EEF1A2: variants seen among roughly 807,000 people sequenced by gnomAD.
The protein encoded by EEF1A2 is eukaryotic translation elongation factor 1 alpha 2.
EEF1A2 carries 5 observed loss-of-function variants against 39.3 expected under a neutral mutation model. The ratio of observed to expected loss-of-function variants is 0.13; its 90% CI spans 0.07 to 0.27. The LOEUF (loss-of-function observed/expected upper bound fraction) is 0.27, where lower values mean the gene tolerates loss of function less well. Among genes scored for constraint, EEF1A2 ranks in the 10% least tolerant of loss-of-function variants. EEF1A2 has a pLI of 1.00. For synonymous variants in EEF1A2, 287 were observed against 293.7 expected (o/e 0.98, Z 0.23); for missense variants, 218 against 681.4 (o/e 0.32, Z 7.57).
At chr20:63,490,297 C>T (rs372861286) in intron 6 of EEF1A2, 182 bp downstream of exon 6, 43 of 710,726 alleles carry the variant, frequency 6.1e-5, no homozygotes, top group African/African-American at 5.7e-4. Context: ...GATCTCTTGA[C>T]CTCGTGATCT....
At chr20:63,496,349 G>A in intron 2 of EEF1A2, 1 of 365,636 alleles carries the variant, frequency 2.7e-6, no homozygotes, top group Non-Finnish European at 5.0e-6. Context: ...ACCCCTCCCG[G>A]GCGAGGGCTC....
chr20:63,497,647 A>G lies in EEF1A2; in HGVS notation c.117T>C (p.Ile39=), dbSNP rs754859581. The change falls in exon 2 of 8, where the codon ATT becomes ATC. Residue 39 remains isoleucine, a synonymous_variant. Coordinates refer to ENST00000217182, the MANE Select transcript of EEF1A2 (RefSeq NM_001958.5). This position sits in a 1 kb window ranked among gnomAD's most constrained non-coding sequence, Gnocchi z 7.3. ...CAGCCGCCTCCTTCTCGAACTTCTCAATGGTCCTTTTGTCAATACCTCCGC... is the reference window on the plus strand; with the variant it reads ...CAGCCGCCTCCTTCTCGAACTTCTCGATGGTCCTTTTGTCAATACCTCCGC... ...YKCGGIDKRT[I]EKFEKEAAEM... is the part of the protein sequence containing the mutation. The G allele has an allele frequency of 1.9e-5, 31 of 1,612,698 alleles. No homozygotes were observed. In the Middle Eastern group the frequency reaches 9.9e-4, roughly 51 times the overall value.
chr20:63,491,702 G>A (rs890542343), intron 5 of EEF1A2, among the ~76,000 whole-genome samples: 2 of 148,202 alleles, frequency 1.3e-5, no homozygotes, highest in African/African-American at 4.9e-5. Context: ...AGATGGATGG[G>A]GAGGTGGATG....
intron 5 of EEF1A2, among the ~76,000 whole-genome samples, chr20:63,491,061 A>T (rs2082376469): frequency 6.6e-6 from 1 of 152,224 alleles, no homozygotes; most frequent in Non-Finnish European, 1.5e-5. Flanking sequence ...CTGGGGTCCC[A>T]TCCTTGCCCC....
At chr20:63,493,057 T>G in intron 5 of EEF1A2, 80 bp downstream of exon 5, 222 of 1,480,058 alleles carry the variant, frequency 1.5e-4, no homozygotes, top group Non-Finnish European at 1.8e-4. Context: ...AGCCCAGTCT[T>G]GAGATGCCTT....
intron 4 of EEF1A2, among the ~76,000 whole-genome samples, chr20:63,493,915 G>A (rs1415302196): frequency 6.6e-6 from 1 of 152,264 alleles, no homozygotes; most frequent in East Asian, 1.9e-4. Context: ...GGGAGTGCAG[G>A]GTCCCTGATG....
rs779435066 is a variant in EEF1A2 at position 63,497,623 on chromosome 20, A to G, written c.141T>C (p.Ala47=). The stretch of plus-strand genomic sequence containing the variant: ...GACCATAGCCTGGGGAGCTCACCTC[A>G]GCCGCCTCCTTCTCGAACTTCTCAA... ...RTIEKFEKEA[A]EMGKGSFKYA... is the part of the protein sequence containing the mutation. Residue 47 remains alanine (A), a synonymous_variant, in exon 2 of 8, where the codon GCT becomes GCC. Coordinates refer to ENST00000217182, the MANE Select transcript of EEF1A2 (RefSeq NM_001958.5). This position sits in a 1 kb window ranked among gnomAD's most constrained non-coding sequence, Gnocchi z 7.3. 4 of 1,612,092 alleles carry G rather than the reference A, an allele frequency of 2.5e-6. No homozygotes were observed. The highest frequency in any genetic ancestry group is 2.5e-6 in the Non-Finnish European group (3 of 1,179,276).
chr20:63,490,771 C>G, intron 5 of EEF1A2, 36 bp from the exon 6 acceptor site: 1 of 1,574,578 alleles, frequency 6.4e-7, no homozygotes, highest in Non-Finnish European at 8.6e-7. Context: ...GAAGGTGGGG[C>G]CCGAGGGGAT....
chr20:63,488,477 C>T, intron 7 of EEF1A2, 52 bp from the exon 8 acceptor site: 7 of 1,359,538 alleles, frequency 5.1e-6, no homozygotes, highest in Non-Finnish European at 6.6e-6. Flanking sequence ...TGACCCCCCC[C>T]AACCCCAGGG....
At chr20:63,496,317 G>C (rs945941182) in intron 2 of EEF1A2, 2 of 486,832 alleles carry the variant, frequency 4.1e-6, no homozygotes, top group African/African-American at 3.9e-5. Context: ...CGCTCTACGA[G>C]CGAAGCCGCC....
Position 63,497,944 on chromosome 20 carries a change from G to A in EEF1A2, c.-71-110C>T. The A allele has an allele frequency of 1.2e-6, 1 of 829,562 alleles. No individual in the cohort carries two copies. Among genetic ancestry groups the A allele is most frequent in the East Asian group, 3.0e-5 (1 of 33,846 alleles). 51.4% of individuals were successfully genotyped at this position (829,562 alleles called of 1,614,324 possible). On this transcript the variant is annotated intron_variant, in intron 1 of 7. Coordinates refer to ENST00000217182, the MANE Select transcript of EEF1A2 (RefSeq NM_001958.5). The surrounding 1 kb of genome is among the most constrained non-coding windows in gnomAD (Gnocchi z 7.3). The stretch of plus-strand genomic sequence containing the variant: ...ACAGGCATCCCTGCCCACAAACCAA[G>A]CCCCCATGTTTGGTGGGGAGGGAAG...
At chr20:63,488,463 G>A (rs951026444) in intron 7 of EEF1A2, 38 bp from the exon 8 acceptor site, 4 of 1,386,610 alleles carry the variant, frequency 2.9e-6, no homozygotes, top group African/African-American at 1.6e-5. Flanking sequence ...GGGGCCGGAG[G>A]ACTTGACCCC....
chr20:63,488,447 G>C (rs2082362880), intron 7 of EEF1A2, 22 bp from the exon 8 acceptor site: 1 of 1,420,440 alleles, frequency 7.0e-7, no homozygotes, highest in Non-Finnish European at 9.2e-7. Flanking sequence ...GGGGCGGCGT[G>C]TGGGCGGGGC....
At chr20:63,489,496 G>A (rs1162077057) in intron 6 of EEF1A2, among the ~76,000 whole-genome samples, 1 of 152,162 alleles carries the variant, frequency 6.6e-6, no homozygotes, top group Non-Finnish European at 1.5e-5. Context: ...AAAATCATAT[G>A]AAGAGGCCAG....
chr20:63,493,357 G>A (rs930244099), intron 4 of EEF1A2, 70 bp from the exon 5 acceptor site: 3 of 1,443,348 alleles, frequency 2.1e-6, no homozygotes, highest in African/African-American at 1.4e-5. Context: ...GCCTCCCCAG[G>A]GTGCTTCCAG....
chr20:63,496,150 A>C, intron 2 of EEF1A2, 115 bp from the exon 3 acceptor site: 1 of 1,278,594 alleles, frequency 7.8e-7, no homozygotes, highest in Non-Finnish European at 1.1e-6. Context: ...GGGCTCCAGC[A>C]CCCCCTTGCT....
At position 63,496,220 on chromosome 20, in the gene EEF1A2, C is replaced by T. The variant is rs2082415982; in HGVS notation, c.145-185G>A. Reference sequence around the variant, plus strand: ...TCGGGACCCCACACCCAGACCCTGCCCCCCAGGGCCGGCCTCCGCACCTGC... The same window carrying T: ...TCGGGACCCCACACCCAGACCCTGCTCCCCAGGGCCGGCCTCCGCACCTGC... On this transcript the variant is annotated intron_variant, in intron 2 of 7. Transcript: ENST00000217182. 3 of 693,758 alleles carry T rather than the reference C, an allele frequency of 4.3e-6. No individual in the cohort carries two copies. The South Asian group carries it at 5.7e-5, about 13-fold the overall frequency. The allele number at this position is 693,758 out of a possible 1,614,324, so 43.0% of individuals were successfully genotyped here.
chr20:63,490,359 C>T (rs576256590), intron 6 of EEF1A2, 120 bp downstream of exon 6: 3 of 1,349,542 alleles, frequency 2.2e-6, no homozygotes, highest in Non-Finnish European at 3.0e-6. Flanking sequence ...ACCACTGCGC[C>T]CAGCCTGAGG....
rs377487433 is a variant in EEF1A2 at position 63,492,613 on chromosome 20, G to A, written c.772+524C>T. ...GGATGCATGGATGGATGGATGGAGG[G>A]ATAGAGAGAAGGATGGATGGGTGGG... On this transcript the variant is annotated intron_variant, in intron 5 of 7. Transcript: ENST00000217182. Among the ~76,000 whole-genome samples, 27 of 145,066 alleles carry A rather than the reference G, an allele frequency of 1.9e-4. 1 individual carries two copies. The South Asian group carries it at 5.9e-3, about 32-fold the overall frequency.
Sources: gnomAD v4.1 joint callset for allele counts (sites outside exome capture counted in the v4.1 genomes callset) on GRCh38, gnomAD v4.1.1 for gene constraint, Gnocchi (gnomAD v3.1) non-coding constraint, MANE v1.5 for transcripts, NCBI Gene and HGNC (gene_info 2026-07-23, HGNC 2026-07-21) for gene names.